Variants in HOXB6 observed in about 807,000 individuals in gnomAD.
HOXB6 encodes the protein homeobox B6.
In HOXB6, 18 loss-of-function variants were observed where a neutral mutation model predicts 24.2. The observed-to-expected ratio is 0.74, with a 90% CI of 0.51 to 1.10. The LOEUF (loss-of-function observed/expected upper bound fraction) is 1.10, where lower values mean the gene tolerates loss of function less well. HOXB6 is among the 50% of genes least tolerant of loss of function. The probability of loss-of-function intolerance (pLI) is 0.00; values close to 1 mark genes in which losing one functional copy is unlikely to be tolerated. For missense variants in HOXB6, 332 were observed against 308.3 expected, an observed-to-expected ratio of 1.08 and a Z score of -0.58; for synonymous variants, 159 against 139.1, an observed-to-expected ratio of 1.14 and a Z score of -1.01.
chr17:48,599,276 C>T lies in HOXB6; in HGVS notation c.-78-1048G>A, dbSNP rs548125935. Among the ~76,000 whole-genome samples the T allele has an allele frequency of 2.0e-5, 3 of 152,338 alleles. 1 individual carries two copies. In the South Asian group the frequency reaches 6.2e-4, roughly 32 times the overall value. ...TAGGATTTTCAGGAATCAGGGATGT[C>T]CCAGTAAATCTGGGCACAAGGAAGA... On this transcript the variant is annotated intron_variant, in intron 2 of 3. Coordinates refer to ENST00000225648, the MANE Select transcript of HOXB6 (RefSeq NM_018952.5).
chr17:48,602,842 A>C (rs1480210383), intron 2 of HOXB6, among the ~76,000 whole-genome samples: 5 of 152,160 alleles, frequency 3.3e-5, no homozygotes, highest in African/African-American at 1.2e-4. Flanking sequence ...GGAGAAAAAG[A>C]CCTTTAGTAT....
Position 48,597,979 on chromosome 17 carries a change from A to G in HOXB6, c.172T>C (p.Tyr58His). 1.3e-6 allele frequency: 2 copies of G among 1,588,090 alleles called. No individual in the cohort carries two copies. The highest frequency in any genetic ancestry group is 2.7e-5 in the African/African-American group (2 of 74,454). ...GQDKGFATSS[Y>H]YPPAGGGYGR... ...TAGCCACCGCCCGCCGGCGGGTAAT[A>G]GGAGGAAGTGGCAAAGCCCTTGTCC... Residue 58 changes from tyrosine (Y) to histidine (H), a missense_variant, in exon 3 of 4, where the codon TAT becomes CAT. Tyr to His is a moderately conservative substitution (Grantham distance 83, BLOSUM62 2). Transcript: ENST00000225648.
At chr17:48,602,689 G>A (rs948232020) in intron 2 of HOXB6, among the ~76,000 whole-genome samples, 2 of 152,158 alleles carry the variant, frequency 1.3e-5, no homozygotes, top group African/African-American at 4.8e-5. Context: ...GGGGCTCCAG[G>A]CGTCGGGCAC....
At chr17:48,599,673 A>G (rs2070409480) in intron 2 of HOXB6, among the ~76,000 whole-genome samples, 1 of 152,184 alleles carries the variant, frequency 6.6e-6, no homozygotes, top group Non-Finnish European at 1.5e-5. Context: ...CAAGGAAAAT[A>G]AGCATTGAGC....
rs139172289 is a variant in HOXB6, at chr17:48,595,804, T to TATTATC, written c.*608_*609insGATAAT. Reference sequence around the variant, plus strand: ...TTGTTGTTGTTATTATTATTATTATTATCATCATCATCATCATCATCATCA... The same window carrying TATTATC: ...TTGTTGTTGTTATTATTATTATTATTATTATCATCATCATCATCATCATCATCATCA... On this transcript the variant is annotated 3_prime_UTR_variant, in exon 4 of 4. Coordinates refer to ENST00000225648, the MANE Select transcript of HOXB6 (RefSeq NM_018952.5). 37 of 190,662 alleles carry TATTATC rather than the reference T, an allele frequency of 1.9e-4. No homozygotes were observed. Among genetic ancestry groups the TATTATC allele is most frequent in the East Asian group, 5.9e-4 (4 of 6,742 alleles). The allele number at this position is 190,662 out of a possible 1,614,324, so 11.8% of individuals were successfully genotyped here.
rs760868837 is a variant in HOXB6, at chr17:48,597,972, G to T, written c.179C>A (p.Pro60Gln). 3.8e-6 allele frequency: 6 copies of T among 1,584,222 alleles called. No homozygotes were observed. The African/African-American group carries it at 8.1e-5, about 21-fold the overall frequency. ...TCGGCCGTAGCCACCGCCCGCCGGC[G>T]GGTAATAGGAGGAAGTGGCAAAGCC... ...DKGFATSSYY[P>Q]PAGGGYGRAA... Residue 60 changes from proline (P) to glutamine (Q), a missense_variant, in exon 3 of 4, where the codon CCG becomes CAG. By Grantham distance (76) the Pro-to-Gln change is moderately conservative (BLOSUM62 -1). Coordinates refer to ENST00000225648, the MANE Select transcript of HOXB6 (RefSeq NM_018952.5).
intron 2 of HOXB6, chr17:48,602,117 G>A (rs1347045907): frequency 2.2e-6 from 1 of 456,068 alleles, no homozygotes; most frequent in Non-Finnish European, 4.4e-6. Flanking sequence ...GAGGGGATCG[G>A]CACTCACTTG....
At position 48,598,666 on chromosome 17, in the gene HOXB6, G is replaced by C. The variant is rs528383659; in HGVS notation, c.-78-438C>G. On this transcript the variant is annotated intron_variant, in intron 2 of 3. Coordinates refer to ENST00000225648, the MANE Select transcript of HOXB6 (RefSeq NM_018952.5). ...GTTGCTTCGACCCCTTCTCTCCGGGGAGGGTTGGGTAAATGTCTCCGAATC... is the reference window on the plus strand; with the variant it reads ...GTTGCTTCGACCCCTTCTCTCCGGGCAGGGTTGGGTAAATGTCTCCGAATC... Among the ~76,000 whole-genome samples, 3 of 152,352 alleles carry C rather than the reference G, an allele frequency of 2.0e-5. No individual in the cohort carries two copies. The East Asian group carries it at 5.8e-4, about 29-fold the overall frequency.
intron 2 of HOXB6, chr17:48,602,525 G>A: frequency 4.2e-6 from 1 of 238,652 alleles, no homozygotes; most frequent in South Asian, 5.0e-5. Context: ...CCAGGTTTGG[G>A]GCTAGGATGG....
chr17:48,601,564 C>T (rs1471441300), intron 2 of HOXB6: 1 of 153,580 alleles, frequency 6.5e-6, no homozygotes, highest in Non-Finnish European at 1.4e-5. Flanking sequence ...CCCTCAGGGC[C>T]TCCTATAGAG....
rs147616979 is a variant in HOXB6, at chr17:48,596,545, G to T, written c.543C>A (p.His181Gln). Reference sequence around the variant, plus strand: ...TCTGCCTCTCCGTCAGGCACAGGGCGTGCGCGATCTCGATGCGCCGCCGCC... The same window carrying T: ...TCTGCCTCTCCGTCAGGCACAGGGCTTGCGCGATCTCGATGCGCCGCCGCC... ...LTRRRRIEIA[H>Q]ALCLTERQIK... is the part of the protein sequence containing the mutation. Residue 181 changes from histidine to glutamine, a missense_variant, in exon 4 of 4, where the codon CAC becomes CAA. Coordinates refer to ENST00000225648, the MANE Select transcript of HOXB6 (RefSeq NM_018952.5). This position sits in a 1 kb window ranked among gnomAD's most constrained non-coding sequence, Gnocchi z 4.8. 311 of 1,614,232 alleles carry T rather than the reference G, an allele frequency of 1.9e-4. 2 individuals carry two copies. The African/African-American group carries it at 3.1e-3, about 16-fold the overall frequency.
chr17:48,600,621 A>G (rs1357944229), intron 2 of HOXB6: 4 of 438,640 alleles, frequency 9.1e-6, no homozygotes, highest in Non-Finnish European at 1.8e-5. Flanking sequence ...CCAGAGACCG[A>G]CTCCTTTCTG....
intron 2 of HOXB6, chr17:48,600,664 G>A (rs930523281): frequency 1.8e-5 from 7 of 396,922 alleles, no homozygotes; most frequent in Middle Eastern, 8.4e-4. Flanking sequence ...TCTGTGGTTC[G>A]GTCCACCGCC....
Position 48,596,214 on chromosome 17 carries a change from T to C in HOXB6, c.*199A>G. On this transcript the variant is annotated 3_prime_UTR_variant, in exon 4 of 4. Transcript: ENST00000225648. This position sits in a 1 kb window ranked among gnomAD's most constrained non-coding sequence, Gnocchi z 4.8. ...AGGGCGCGCGGGATGCTGGGTGGGC[T>C]CGAGTAGTGAGGCCTCAGAGCACCC... The C allele has an allele frequency of 1.3e-6, 1 of 782,442 alleles. No homozygotes were observed. Among genetic ancestry groups the C allele is most frequent in the Non-Finnish European group, 2.2e-6 (1 of 452,986 alleles). 48.5% of individuals were successfully genotyped at this position (782,442 alleles called of 1,614,324 possible). A position where few individuals can be genotyped will look rare whatever the true frequency, so the allele number is the denominator to read the frequency against.
intron 2 of HOXB6, chr17:48,602,581 A>G (rs891555197): frequency 8.8e-6 from 2 of 226,266 alleles, no homozygotes; most frequent in Non-Finnish European, 1.8e-5. Context: ...GGTGGAGGAG[A>G]GACTTCTGTT....
rs559989185 is a variant in HOXB6, at chr17:48,598,023, T to C, written c.128A>G (p.Tyr43Cys). ...ADPLRHYPAP[Y>C]GPGPGQDKGF... ...CTTGTCCTGGCCCGGCCCTGGCCCG[T>C]AGGGCGCGGGGTAATGTCTCAGCGG... Residue 43 changes from tyrosine (Y) to cysteine (C), a missense_variant, in exon 3 of 4, where the codon TAC (tyrosine) becomes TGC (cysteine). Physicochemically the swap from Tyr to Cys is radical, Grantham distance 194. Coordinates refer to ENST00000225648, the MANE Select transcript of HOXB6 (RefSeq NM_018952.5). 31 of 1,598,322 alleles carry C rather than the reference T, an allele frequency of 1.9e-5. No homozygotes were observed. In the African/African-American group the frequency reaches 3.5e-4, roughly 18 times the overall value.
chr17:48,598,531 G>T (rs2070379934), intron 2 of HOXB6, among the ~76,000 whole-genome samples: 1 of 152,080 alleles, frequency 6.6e-6, no homozygotes, highest in African/African-American at 2.4e-5. Flanking sequence ...AGGAGGGAAC[G>T]TTTAGATTGA....
chr17:48,597,717 G>A lies in HOXB6; in HGVS notation c.415+19C>T, dbSNP rs755606607. 6.2e-7 allele frequency: 1 copy of A among 1,610,556 alleles called. No individual in the cohort carries two copies. Among genetic ancestry groups the A allele is most frequent in the Non-Finnish European group, 8.5e-7 (1 of 1,178,488 alleles). On this transcript the variant is annotated intron_variant, in intron 3 of 3. Coordinates refer to ENST00000225648, the MANE Select transcript of HOXB6 (RefSeq NM_018952.5). ...CGCCCAGGGGAGCCGGGGCGACGGC[G>A]ACGGGAAGTCTCACTCACTGTTGCA...
intron 3 of HOXB6, chr17:48,597,042 G>A: frequency 8.7e-7 from 1 of 1,155,612 alleles, no homozygotes; most frequent in Non-Finnish European, 1.1e-6. Flanking sequence ...CCGTTAATCC[G>A]TAATGACGTA....
Sources: allele counts gnomAD v4.1 joint callset (sites outside exome capture counted in the v4.1 genomes callset), GRCh38; gene constraint gnomAD v4.1.1; non-coding constraint Gnocchi (gnomAD v3.1); transcripts MANE v1.5; gene names NCBI Gene and HGNC (gene_info 2026-07-23, HGNC 2026-07-21).